OSBPL9: variants seen among roughly 807,000 people sequenced by gnomAD.
OSBPL9 encodes the protein oxysterol-binding protein-related protein 9.
A neutral mutation model predicts 106.6 loss-of-function variants in OSBPL9; 40 were observed. That is an observed-to-expected ratio of 0.38 (90% CI 0.29 to 0.49). The LOEUF (loss-of-function observed/expected upper bound fraction) is 0.49. Ranked by LOEUF, OSBPL9 falls within the 20% of genes least tolerant of loss-of-function variation. OSBPL9 has a pLI of 0.97. For missense variants in OSBPL9, 609 were observed against 887.2 expected (o/e 0.69, Z 3.98); for synonymous variants, 269 against 295.4 (o/e 0.91, Z 0.92).
At chr1:51,696,988 C>T (rs1656155441) in intron 3 of OSBPL9, among the ~76,000 whole-genome samples, 1 of 151,728 alleles carries the variant, frequency 6.6e-6, no homozygotes, top group African/African-American at 2.4e-5. Context: ...CAGCCCCACA[C>T]CCATCTCTAA....
intron 2 of OSBPL9, among the ~76,000 whole-genome samples, chr1:51,655,674 A>T (rs1213627993): frequency 6.6e-6 from 1 of 152,220 alleles, no homozygotes; most frequent in African/African-American, 2.4e-5. Flanking sequence ...AATTCTGCCT[A>T]CTACACAGCA....
intron 1 of OSBPL9, among the ~76,000 whole-genome samples, chr1:51,648,630 AAG>A (rs1646317030): frequency 1.3e-5 from 2 of 152,168 alleles, no homozygotes; most frequent in Non-Finnish European, 2.9e-5. Context: ...GCTATTGTGA[AAG>A]AGGATAATTT....
At chr1:51,553,204 A>C in the OSBPL9 span, among the ~76,000 whole-genome samples, 1 of 151,964 alleles carries the variant, frequency 6.6e-6, no homozygotes, top group African/African-American at 2.4e-5. Flanking sequence ...AACAGCACTC[A>C]TTACCTTCCT....
upstream of OSBPL9, among the ~76,000 whole-genome samples, chr1:51,613,290 G>A (rs1282535166): frequency 6.6e-6 from 1 of 152,184 alleles, no homozygotes; most frequent in Non-Finnish European, 1.5e-5. Context: ...AAAGACATCC[G>A]CAACATGAGC....
rs79821659 is a variant in OSBPL9 at position 51,666,793 on chromosome 1, A to G, written c.163-2641A>G. Among the ~76,000 whole-genome samples, 594 of 152,340 alleles carry G rather than the reference A, an allele frequency of 3.9e-3. 3 individuals carry two copies. Among genetic ancestry groups the G allele is most frequent in the African/African-American group, 0.013 (548 of 41,586 alleles). Reference sequence around the variant, plus strand: ...CAGATTTTGAACAGCCTTGAATGACATTATGAAGTAATGCTGACTTTATCT... The same window carrying G: ...CAGATTTTGAACAGCCTTGAATGACGTTATGAAGTAATGCTGACTTTATCT... On this transcript the variant is annotated intron_variant, in intron 2 of 23. Coordinates refer to ENST00000428468, the MANE Select transcript of OSBPL9 (RefSeq NM_024586.6).
At chr1:51,547,370 CA>C in the OSBPL9 span, among the ~76,000 whole-genome samples, 1 of 151,896 alleles carries the variant, frequency 6.6e-6, no homozygotes, top group Non-Finnish European at 1.5e-5. Context: ...AAACAGTGCT[CA>C]GTGAAAAATA....
chr1:51,739,676 T>A (rs1235601467), intron 4 of OSBPL9, among the ~76,000 whole-genome samples: 1 of 152,066 alleles, frequency 6.6e-6, no homozygotes, highest in Non-Finnish European at 1.5e-5. Context: ...TGACTATTCC[T>A]TAGGATTAAA....
intron 2 of OSBPL9, among the ~76,000 whole-genome samples, chr1:51,665,923 T>A (rs1648366602): frequency 6.6e-6 from 1 of 152,056 alleles, no homozygotes; most frequent in South Asian, 2.1e-4. Context: ...GGTGCGATCT[T>A]GGCTCACAGC....
chr1:51,748,502 GTTT>G (rs1459493336), intron 7 of OSBPL9, 104 bp downstream of exon 7: 3 of 1,223,024 alleles, frequency 2.5e-6, no homozygotes, highest in Non-Finnish European at 3.2e-6. Flanking sequence ...TGAGATGTTA[GTTT>G]TTATGAATAT....
At chr1:51,558,301 T>C in the OSBPL9 span, among the ~76,000 whole-genome samples, 1 of 150,672 alleles carries the variant, frequency 6.6e-6, no homozygotes, top group Non-Finnish European at 1.5e-5. Flanking sequence ...AAAAAGATAA[T>C]AACAGCCCCT....
At chr1:51,670,822 A>G (rs1229437093) in intron 3 of OSBPL9, among the ~76,000 whole-genome samples, 1 of 152,218 alleles carries the variant, frequency 6.6e-6, no homozygotes, top group Admixed American at 6.5e-5. Flanking sequence ...ATAAATCAGC[A>G]GGTAATTCCT....
intron 3 of OSBPL9, among the ~76,000 whole-genome samples, chr1:51,672,640 G>C (rs1479262853): frequency 6.6e-6 from 1 of 152,140 alleles, no homozygotes; most frequent in South Asian, 2.1e-4. Context: ...ATGTTTTTAA[G>C]ATTCATCTAT....
chr1:51,716,852 G>C (rs1426319818), intron 4 of OSBPL9, among the ~76,000 whole-genome samples: 1 of 152,058 alleles, frequency 6.6e-6, no homozygotes, highest in East Asian at 1.9e-4. Context: ...TGCCATGTTA[G>C]GTTCTCTTCT....
At chr1:51,722,927 T>C (rs1662414713) in intron 4 of OSBPL9, among the ~76,000 whole-genome samples, 1 of 152,250 alleles carries the variant, frequency 6.6e-6, no homozygotes, top group Non-Finnish European at 1.5e-5. Flanking sequence ...TTGGCCTGAC[T>C]TGCTAGGCAA....
At chr1:51,741,154 T>A (rs1666808076) in intron 4 of OSBPL9, among the ~76,000 whole-genome samples, 1 of 152,166 alleles carries the variant, frequency 6.6e-6, no homozygotes, top group South Asian at 2.1e-4. Flanking sequence ...AACTTAAGTA[T>A]TAGAAAGGTA....
chr1:51,530,800 G>A, the OSBPL9 span, among the ~76,000 whole-genome samples: 1 of 151,058 alleles, frequency 6.6e-6, no homozygotes, highest in Non-Finnish European at 1.5e-5. Context: ...TTTGAGACCA[G>A]CCTCTATTAA....
At chr1:51,599,779 G>A (rs1237555482) in intron 2 of OSBPL9, among the ~76,000 whole-genome samples, 1 of 152,074 alleles carries the variant, frequency 6.6e-6, no homozygotes, top group East Asian at 1.9e-4. Context: ...TAGTCCATTT[G>A]TGCTACTATA....
At chr1:51,723,909 GT>G (rs1190121054) in intron 4 of OSBPL9, among the ~76,000 whole-genome samples, 2 of 152,098 alleles carry the variant, frequency 1.3e-5, no homozygotes, top group Admixed American at 6.5e-5. Flanking sequence ...TATATCTTTA[GT>G]TTTGTACAGA....
chr1:51,551,604 T>A, the OSBPL9 span, among the ~76,000 whole-genome samples: 1 of 152,082 alleles, frequency 6.6e-6, no homozygotes, highest in South Asian at 2.1e-4. Flanking sequence ...ATTTATTTTT[T>A]GAGACAGGGT....
Sources: gnomAD v4.1 joint callset for allele counts (sites outside exome capture counted in the v4.1 genomes callset) on GRCh38, gnomAD v4.1.1 for gene constraint, MANE v1.5 for transcripts, NCBI Gene and HGNC (gene_info 2026-07-23, HGNC 2026-07-21) for gene names.